Variants in TMEM117 observed in about 807,000 individuals in gnomAD.
TMEM117 encodes transmembrane protein 117.
Under a neutral mutation model 52.4 loss-of-function variants are expected in TMEM117, and 27 were observed. That is an observed-to-expected ratio of 0.51 (90% confidence interval 0.38 to 0.71). The LOEUF is 0.71. Among genes scored for constraint, TMEM117 ranks in the 30% least tolerant of loss-of-function variants. The pLI is 0.00. For synonymous variants in TMEM117, 215 were observed against 206.3 expected (o/e 1.04, Z -0.36); for missense variants, 556 against 630.5 (o/e 0.88, Z 1.26).
At chr12:44,059,298 C>T (rs925089153) in intron 3 of TMEM117, among the ~76,000 whole-genome samples, 11 of 152,024 alleles carry the variant, frequency 7.2e-5, no homozygotes, top group African/African-American at 2.7e-4. Flanking sequence ...CTTAGAGGTA[C>T]CCGCTTTCTT....
chr12:44,046,996 C>G (rs533854992), intron 3 of TMEM117, among the ~76,000 whole-genome samples: 1 of 152,140 alleles, frequency 6.6e-6, no homozygotes, highest in African/African-American at 2.4e-5. Flanking sequence ...TCCAAGTTGA[C>G]ACGGGGGTGA....
At chr12:44,147,651 CTG>C (rs1232700625) in intron 4 of TMEM117, among the ~76,000 whole-genome samples, 1 of 151,886 alleles carries the variant, frequency 6.6e-6, no homozygotes, top group Non-Finnish European at 1.5e-5. Context: ...GAAGACAACT[CTG>C]GGCCGGGCGC....
intron 3 of TMEM117, among the ~76,000 whole-genome samples, chr12:44,048,647 T>A (rs1174314253): frequency 6.6e-6 from 1 of 152,214 alleles, no homozygotes; most frequent in Non-Finnish European, 1.5e-5. Flanking sequence ...AAATAGTATA[T>A]GTTTCAGAGT....
At chr12:44,181,662 G>C (rs895302837) in intron 4 of TMEM117, among the ~76,000 whole-genome samples, 1 of 151,934 alleles carries the variant, frequency 6.6e-6, no homozygotes, top group Non-Finnish European at 1.5e-5. Flanking sequence ...TCAGATAGTT[G>C]TAGATATGTG....
intron 5 of TMEM117, among the ~76,000 whole-genome samples, chr12:44,238,046 A>G (rs1950019327): frequency 6.6e-6 from 1 of 152,212 alleles, no homozygotes; most frequent in South Asian, 2.1e-4. Flanking sequence ...AAAAAGAGCC[A>G]TGAAAGTAAT....
chr12:43,842,199 A>G (rs773628210), intron 1 of TMEM117, among the ~76,000 whole-genome samples: 4 of 152,168 alleles, frequency 2.6e-5, no homozygotes, highest in Non-Finnish European at 5.9e-5. Context: ...GTTCTTCACT[A>G]CTTGCTCTGC....
intron 6 of TMEM117, among the ~76,000 whole-genome samples, chr12:44,320,183 C>T (rs1951112608): frequency 6.6e-6 from 1 of 152,156 alleles, no homozygotes; most frequent in Admixed American, 6.5e-5. Flanking sequence ...ACCAAAAAAC[C>T]TTTTAAAAAT....
chr12:43,865,220 T>C (rs1160844168), intron 2 of TMEM117, among the ~76,000 whole-genome samples: 2 of 152,144 alleles, frequency 1.3e-5, no homozygotes, highest in African/African-American at 2.4e-5. Flanking sequence ...ACAGAGATTT[T>C]AGTGCTGTCT....
intron 6 of TMEM117, among the ~76,000 whole-genome samples, chr12:44,304,969 G>A (rs1001287474): frequency 7.2e-5 from 11 of 152,154 alleles, no homozygotes; most frequent in African/African-American, 2.4e-4. Context: ...TGTAGCTTGG[G>A]TACCAGCTCA....
chr12:44,082,085 A>G (rs1272466677), intron 3 of TMEM117, among the ~76,000 whole-genome samples: 1 of 151,950 alleles, frequency 6.6e-6, no homozygotes, highest in Non-Finnish European at 1.5e-5. Flanking sequence ...AAAGGACAGC[A>G]ACTATTGCTC....
At chr12:44,316,122 G>T (rs993107471) in intron 6 of TMEM117, among the ~76,000 whole-genome samples, 1 of 152,062 alleles carries the variant, frequency 6.6e-6, no homozygotes, top group African/African-American at 2.4e-5. Flanking sequence ...ATTATTAACT[G>T]GTTGCTTTGT....
intron 6 of TMEM117, among the ~76,000 whole-genome samples, chr12:44,336,487 C>A (rs1290164337): frequency 6.6e-6 from 1 of 151,932 alleles, no homozygotes. Flanking sequence ...TTTTCCAACC[C>A]TTTACTATAG....
chr12:44,237,533 A>G (rs1170335038), intron 5 of TMEM117, among the ~76,000 whole-genome samples: 1 of 152,014 alleles, frequency 6.6e-6, no homozygotes, highest in East Asian at 1.9e-4. Flanking sequence ...CTTGGCCAAC[A>G]TGGTGAAACA....
intron 6 of TMEM117, among the ~76,000 whole-genome samples, chr12:44,332,983 A>G (rs1012831254): frequency 6.6e-6 from 1 of 152,046 alleles, no homozygotes; most frequent in Non-Finnish European, 1.5e-5. Context: ...GAGATTTTAA[A>G]TGTCTTTGTA....
chr12:43,990,538 T>G lies in TMEM117; in HGVS notation c.410+46196T>G, dbSNP rs73286229. Among the ~76,000 whole-genome samples the G allele has an allele frequency of 3.8e-3, 572 of 152,292 alleles. 6 individuals carry two copies. The highest frequency in any genetic ancestry group is 0.013 in the African/African-American group (549 of 41,570). On this transcript the variant is annotated intron_variant, in intron 3 of 7. Coordinates refer to ENST00000266534, the MANE Select transcript of TMEM117 (RefSeq NM_032256.3). ...CGTAAAAGATTTTTTATATAACTTATGATATCATGGTCCATTCCTCTGAAA... is the reference window on the plus strand; with the variant it reads ...CGTAAAAGATTTTTTATATAACTTAGGATATCATGGTCCATTCCTCTGAAA...
intron 6 of TMEM117, among the ~76,000 whole-genome samples, chr12:44,355,398 C>G (rs924963687): frequency 1.3e-5 from 2 of 151,958 alleles, no homozygotes; most frequent in African/African-American, 4.8e-5. Context: ...GGTTATTCTA[C>G]TTGAGATACA....
intron 1 of TMEM117, among the ~76,000 whole-genome samples, chr12:43,837,272 T>C (rs1943047701): frequency 6.6e-6 from 1 of 152,230 alleles, no homozygotes; most frequent in Non-Finnish European, 1.5e-5. Context: ...TGAATTCTAT[T>C]TAATTCATTA....
intron 1 of TMEM117, among the ~76,000 whole-genome samples, chr12:43,841,037 G>A (rs1056925036): frequency 8.5e-5 from 13 of 152,194 alleles, no homozygotes; most frequent in African/African-American, 2.4e-5. Context: ...GCCTGTGTAC[G>A]AAGTCATGAA....
intron 5 of TMEM117, among the ~76,000 whole-genome samples, chr12:44,284,350 C>T (rs932421216): frequency 6.6e-6 from 1 of 152,110 alleles, no homozygotes; most frequent in African/African-American, 2.4e-5. Context: ...CACCTCCCAC[C>T]ATGATTCTGA....
Sources: allele counts gnomAD v4.1 joint callset (sites outside exome capture counted in the v4.1 genomes callset), GRCh38; gene constraint gnomAD v4.1.1; transcripts MANE v1.5; gene names NCBI Gene and HGNC (gene_info 2026-07-23, HGNC 2026-07-21).